The following SLIT2 variants were observed in gnomAD, a reference collection of about 807,000 sequenced individuals.
SLIT2 encodes slit homolog 2 protein.
Under a neutral mutation model 185.7 loss-of-function variants are expected in SLIT2, and 41 were observed. That is an observed-to-expected ratio of 0.22 (90% CI 0.17 to 0.29). The LOEUF (loss-of-function observed/expected upper bound fraction) is 0.29. Ranked by LOEUF, SLIT2 falls within the 10% of genes least tolerant of loss-of-function variation. The pLI is 1.00. For missense variants in SLIT2, 1,571 were observed against 1,909.0 expected (o/e 0.82, Z 3.30); for synonymous variants, 693 against 680.2 (o/e 1.02, Z -0.29).
At chr4:20,593,421 A>T (rs1727670616) in intron 30 of SLIT2, among the ~76,000 whole-genome samples, 1 of 152,130 alleles carries the variant, frequency 6.6e-6, no homozygotes, top group African/African-American at 2.4e-5. Flanking sequence ...GTGGAATTTT[A>T]AAAAGTCAAA....
chr4:20,376,793 T>C (rs1724057380), intron 4 of SLIT2, among the ~76,000 whole-genome samples: 1 of 152,132 alleles, frequency 6.6e-6, no homozygotes, highest in Admixed American at 6.6e-5. Flanking sequence ...AAACACTGCA[T>C]GTTCTCACTC....
rs371363218 is a variant in SLIT2, at chr4:20,291,658, A to C, written c.395+22777A>C. On this transcript the variant is annotated intron_variant, in intron 4 of 36. Transcript: ENST00000504154. ...TTTAAAAAATGTATCGTATATTGGT[A>C]CAATAATACTAATCTATACAAATAG... Among the ~76,000 whole-genome samples the C allele has an allele frequency of 5.9e-5, 9 of 151,774 alleles. No homozygotes were observed. The East Asian group carries it at 1.7e-3, about 29-fold the overall frequency.
At chr4:20,426,280 C>A (rs1397560492) in intron 4 of SLIT2, among the ~76,000 whole-genome samples, 1 of 152,170 alleles carries the variant, frequency 6.6e-6, no homozygotes, top group African/African-American at 2.4e-5. Flanking sequence ...ACAACTTTCA[C>A]TGTGTAGGAG....
At chr4:20,589,835 C>T (rs1727358159) in intron 30 of SLIT2, 98 bp downstream of exon 30, 1 of 769,290 alleles carries the variant, frequency 1.3e-6, no homozygotes, top group Admixed American at 2.1e-5. Flanking sequence ...CACCTCTGCT[C>T]AGGATTAAAG....
chr4:20,378,180 A>G (rs564979602), intron 4 of SLIT2, among the ~76,000 whole-genome samples: 2 of 152,288 alleles, frequency 1.3e-5, no homozygotes, highest in Admixed American at 1.3e-4. Flanking sequence ...AATCTCCTAA[A>G]TGATAAAAGT....
intron 4 of SLIT2, among the ~76,000 whole-genome samples, chr4:20,386,609 T>C (rs1724956748): frequency 6.6e-6 from 1 of 152,218 alleles, no homozygotes; most frequent in South Asian, 2.1e-4. Context: ...GAAATTCTAT[T>C]ATTCAGTCCT....
intron 4 of SLIT2, among the ~76,000 whole-genome samples, chr4:20,416,529 A>G (rs967459535): frequency 5.3e-5 from 8 of 152,104 alleles, no homozygotes. Context: ...CTTTTGTGTA[A>G]TGATTCTGAG....
At position 20,600,563 on chromosome 4, in the gene SLIT2, C is replaced by T. The variant is rs538889751; in HGVS notation, c.3692+2168C>T. On this transcript the variant is annotated intron_variant, in intron 33 of 36. Coordinates refer to ENST00000504154, the MANE Select transcript of SLIT2 (RefSeq NM_004787.4). The stretch of plus-strand genomic sequence containing the variant: ...TCGGCCTCCCAAGTAGCTGGGACTA[C>T]GGGCACCCACCACTATGCCTGGCTA... 2.0e-3 allele frequency among the ~76,000 whole-genome samples: 303 copies of T among 151,962 alleles called. 2 individuals carry two copies. Among genetic ancestry groups the T allele is most frequent in the African/African-American group, 6.7e-3 (277 of 41,464 alleles).
intron 4 of SLIT2, among the ~76,000 whole-genome samples, chr4:20,362,335 G>T (rs1264037146): frequency 6.6e-6 from 1 of 152,130 alleles, no homozygotes; most frequent in Non-Finnish European, 1.5e-5. Context: ...ACGCAGAGCA[G>T]CAAGGTCTCA....
intron 9 of SLIT2, among the ~76,000 whole-genome samples, chr4:20,508,765 G>C (rs908103228): frequency 6.6e-5 from 10 of 152,172 alleles, no homozygotes; most frequent in Non-Finnish European, 1.0e-4. Flanking sequence ...CAAGGAGATA[G>C]AGTGTCTCAT....
intron 29 of SLIT2, among the ~76,000 whole-genome samples, chr4:20,570,170 C>A (rs1725446775): frequency 6.6e-6 from 1 of 152,014 alleles, no homozygotes; most frequent in South Asian, 2.1e-4. Flanking sequence ...CAATAAAGCA[C>A]CCAATGTCAT....
chr4:20,535,310 A>G (rs1045782588), intron 18 of SLIT2, among the ~76,000 whole-genome samples: 1 of 151,968 alleles, frequency 6.6e-6, no homozygotes, highest in Non-Finnish European at 1.5e-5. Flanking sequence ...TAAAAAAGAA[A>G]AGAAAAGAAA....
intron 4 of SLIT2, among the ~76,000 whole-genome samples, chr4:20,321,016 TGTG>T (rs1435886151): frequency 1.3e-5 from 2 of 152,100 alleles, no homozygotes; most frequent in African/African-American, 4.8e-5. Context: ...ATTAGCCAGA[TGTG>T]GTGGTGTGCA....
chr4:20,320,308 G>C (rs944467908), intron 4 of SLIT2, among the ~76,000 whole-genome samples: 3 of 152,104 alleles, frequency 2.0e-5, no homozygotes, highest in African/African-American at 7.2e-5. Context: ...CATGACTATA[G>C]CTATTCATTT....
intron 4 of SLIT2, among the ~76,000 whole-genome samples, chr4:20,387,987 C>T (rs1047061272): frequency 1.1e-4 from 17 of 149,512 alleles, no homozygotes; most frequent in South Asian, 4.2e-4. Context: ...CAAAAAAACA[C>T]GTTTCATCTC....
intron 26 of SLIT2, chr4:20,554,225 C>T: frequency 1.8e-6 from 1 of 564,996 alleles, no homozygotes; most frequent in Non-Finnish European, 3.3e-6. Flanking sequence ...GTAGAGTTCA[C>T]AATTTCTGGA....
At chr4:20,509,015 CGTGTGTGTGTGCAT>C (rs1214340511) in intron 9 of SLIT2, among the ~76,000 whole-genome samples, 1 of 150,744 alleles carries the variant, frequency 6.6e-6, no homozygotes, top group Non-Finnish European at 1.5e-5. Flanking sequence ...AAATGTTACG[CGTGTGTGTGTGCAT>C]GTGTGTGTGT....
chr4:20,398,062 A>C (rs930296991), intron 4 of SLIT2, among the ~76,000 whole-genome samples: 1 of 151,798 alleles, frequency 6.6e-6, no homozygotes, highest in African/African-American at 2.4e-5. Context: ...AGTCAGGTAC[A>C]TGAGGTACCT....
At chr4:20,519,498 A>G (rs751179834) in intron 12 of SLIT2, 45 bp downstream of exon 12, 1 of 1,143,930 alleles carries the variant, frequency 8.7e-7, no homozygotes, top group East Asian at 2.4e-5. Flanking sequence ...AATAATATAT[A>G]TTAGCCATTT....
Sources: gnomAD v4.1 joint callset for allele counts (sites outside exome capture counted in the v4.1 genomes callset) on GRCh38, gnomAD v4.1.1 for gene constraint, MANE v1.5 for transcripts, NCBI Gene and HGNC (gene_info 2026-07-23, HGNC 2026-07-21) for gene names.